The following ABCB4 variants were observed in gnomAD, a reference collection of about 807,000 sequenced individuals.
ABCB4 encodes ATP binding cassette subfamily B member 4.
Under a neutral mutation model 145.7 loss-of-function variants are expected in ABCB4, and 76 were observed. The observed-to-expected ratio is 0.52, with a 90% CI of 0.43 to 0.63. ABCB4 has a LOEUF of 0.63. Ranked by LOEUF, ABCB4 falls within the 30% of genes least tolerant of loss-of-function variation. ABCB4 has a pLI of 0.00. For synonymous variants in ABCB4, 517 were observed against 566.8 expected (o/e 0.91, Z 1.25); for missense variants, 1,234 against 1,553.1 (o/e 0.79, Z 3.45).
rs917918916 is a variant in ABCB4, at chr7:87,405,484, T to C, written c.3486+804A>G. Among the ~76,000 whole-genome samples the C allele has an allele frequency of 4.1e-5, 6 of 146,236 alleles. No individual in the cohort carries two copies. The Middle Eastern group carries it at 0.011, about 271-fold the overall frequency. On this transcript the variant is annotated intron_variant, in intron 26 of 27. Coordinates refer to ENST00000649586, the MANE Select transcript of ABCB4 (RefSeq NM_000443.4). The stretch of plus-strand genomic sequence containing the variant: ...CTCTGTCGCCCAGGCTGGAGTGCAA[T>C]GGTGTGATCTTGGATCACTTTAACC...
At chr7:87,390,827 T>C in the ABCB4 span, among the ~76,000 whole-genome samples, 1 of 152,246 alleles carries the variant, frequency 6.6e-6, no homozygotes, top group African/African-American at 2.4e-5. Flanking sequence ...CAAAACGTAG[T>C]GGCTTAAAAC....
In ABCB4 at chr7:87,462,832, A is replaced by T. The variant is rs780641693; in HGVS notation, c.212T>A (p.Leu71His). The T allele has an allele frequency of 1.6e-5, 26 of 1,613,640 alleles. No individual in the cohort carries two copies. Among genetic ancestry groups the T allele is most frequent in the Non-Finnish European group, 2.2e-5 (26 of 1,179,598 alleles). ...TIMAIAHGSG[L>H]PLMMIVFGEM... is the part of the protein sequence containing the mutation. Reference sequence around the variant, plus strand: ...TCCAAATACTATCATCATGAGGGGGAGACCTGATCCGTGAGCTATGGCCAT... The same window carrying T: ...TCCAAATACTATCATCATGAGGGGGTGACCTGATCCGTGAGCTATGGCCAT... Residue 71 changes from leucine to histidine, a missense_variant, in exon 4 of 28, where the codon CTC (leucine) becomes CAC (histidine). By Grantham distance (99) the Leu-to-His change is moderately conservative. Around this residue, in one of 7 missense-constraint regions of ABCB4, gnomAD observed 467 missense variants for 632.8 expected, o/e 0.74. Coordinates refer to ENST00000649586, the MANE Select transcript of ABCB4 (RefSeq NM_000443.4).
chr7:87,461,427 A>C (rs1812454410), intron 4 of ABCB4, among the ~76,000 whole-genome samples: 1 of 152,188 alleles, frequency 6.6e-6, no homozygotes, highest in Non-Finnish European at 1.5e-5. Flanking sequence ...TGGATGGCAG[A>C]AAGACCAGCA....
chr7:87,451,014 T>C (rs1251875502), intron 7 of ABCB4, among the ~76,000 whole-genome samples: 1 of 152,186 alleles, frequency 6.6e-6, no homozygotes, highest in Admixed American at 6.5e-5. Context: ...CAGGTAATGA[T>C]TAAAACAAAT....
At chr7:87,396,173 G>T in the ABCB4 span, among the ~76,000 whole-genome samples, 4 of 152,156 alleles carry the variant, frequency 2.6e-5, no homozygotes, top group Non-Finnish European at 5.9e-5. Flanking sequence ...TCATGCCTGT[G>T]TTTCCAGCAG....
At chr7:87,430,596 G>T (rs975635053) in intron 15 of ABCB4, among the ~76,000 whole-genome samples, 5 of 151,964 alleles carry the variant, frequency 3.3e-5, no homozygotes, top group Non-Finnish European at 7.4e-5. Context: ...GTAGTCTCAG[G>T]TCATTGCAAT....
intron 13 of ABCB4, 137 bp from the exon 14 acceptor site, chr7:87,439,974 G>T (rs1396592097): frequency 1.6e-6 from 2 of 1,288,044 alleles, no homozygotes; most frequent in Non-Finnish European, 2.2e-6. Flanking sequence ...TAAGATAAAT[G>T]AATTCTGAAT....
At chr7:87,460,016 T>C (rs76837970) in intron 4 of ABCB4, among the ~76,000 whole-genome samples, 1 of 149,344 alleles carries the variant, frequency 6.7e-6, no homozygotes. Flanking sequence ...GTTTCTTTGA[T>C]TTTTTTTTTC....
At chr7:87,465,210 G>C (rs376261206) in intron 3 of ABCB4, among the ~76,000 whole-genome samples, 1 of 152,168 alleles carries the variant, frequency 6.6e-6, no homozygotes, top group Non-Finnish European at 1.5e-5. Context: ...CTTAGCAAAC[G>C]GCACATCAGG....
intron 9 of ABCB4, 34 bp downstream of exon 9, chr7:87,447,000 C>A: frequency 1.3e-6 from 2 of 1,557,698 alleles, no homozygotes; most frequent in Non-Finnish European, 1.8e-6. Flanking sequence ...ATAAGATTTT[C>A]ATATTCTTCA....
the ABCB4 span, chr7:87,377,316 C>T: frequency 7.5e-7 from 1 of 1,336,890 alleles, no homozygotes; most frequent in Non-Finnish European, 1.1e-6. Flanking sequence ...AATATTAAAC[C>T]CTTTTAATTT....
At chr7:87,392,512 C>A in the ABCB4 span, 1 of 1,389,186 alleles carries the variant, frequency 7.2e-7, no homozygotes. Context: ...GGATTTTTTT[C>A]TAGTTGGGTT....
chr7:87,450,795 A>G (rs1811668291), intron 7 of ABCB4, among the ~76,000 whole-genome samples: 1 of 152,194 alleles, frequency 6.6e-6, no homozygotes, highest in African/African-American at 2.4e-5. Context: ...CTGCTGAATA[A>G]TAAGATAGCC....
At chr7:87,420,904 A>G (rs957944356) in intron 18 of ABCB4, among the ~76,000 whole-genome samples, 1 of 152,214 alleles carries the variant, frequency 6.6e-6, no homozygotes, top group Non-Finnish European at 1.5e-5. Context: ...ACTACTTCCA[A>G]TAAACCAGTT....
chr7:87,439,601 A>G, intron 14 of ABCB4, 66 bp downstream of exon 14: 6 of 1,576,434 alleles, frequency 3.8e-6, no homozygotes, highest in Non-Finnish European at 5.2e-6. Context: ...AGACTCCGGA[A>G]GCACTGGCAA....
At chr7:87,457,297 C>A (rs1448314152) in intron 4 of ABCB4, among the ~76,000 whole-genome samples, 2 of 152,146 alleles carry the variant, frequency 1.3e-5, no homozygotes, top group Non-Finnish European at 2.9e-5. Context: ...GTAGTCCCAG[C>A]TACACAGGAG....
intron 15 of ABCB4, among the ~76,000 whole-genome samples, chr7:87,431,142 G>T (rs1810188371): frequency 6.6e-6 from 1 of 152,236 alleles, no homozygotes; most frequent in Non-Finnish European, 1.5e-5. Flanking sequence ...ATGGTAGAAA[G>T]GACCTTTTAG....
At position 87,443,655 on chromosome 7, in the gene ABCB4, T is replaced by TA. The variant is rs760103564; in HGVS notation, c.1230+7dup. On this transcript the variant is annotated splice_region_variant and intron_variant, in intron 11 of 27. Coordinates refer to ENST00000649586, the MANE Select transcript of ABCB4 (RefSeq NM_000443.4). ...GTTAGGAATTCCTATAAATATTACT[T>TA]ACAGTACCTTGACGTTAGCTCGAGA... is the stretch of plus-strand genomic sequence containing the variant. 65 of 1,607,262 alleles carry TA rather than the reference T, an allele frequency of 4.0e-5. No individual in the cohort carries two copies. Among genetic ancestry groups the TA allele is most frequent in the Non-Finnish European group, 5.5e-5 (65 of 1,173,946 alleles).
At chr7:87,395,074 T>G in the ABCB4 span, among the ~76,000 whole-genome samples, 4 of 151,988 alleles carry the variant, frequency 2.6e-5, no homozygotes, top group Non-Finnish European at 5.9e-5. Flanking sequence ...ACTAATAGGA[T>G]ATTTAAGAAG....
Sources: gnomAD v4.1 joint callset for allele counts (sites outside exome capture counted in the v4.1 genomes callset) on GRCh38, gnomAD v4.1.1 for gene constraint, gnomAD v4.1.1 regional missense constraint, MANE v1.5 for transcripts, NCBI Gene and HGNC (gene_info 2026-07-23, HGNC 2026-07-21) for gene names.